Variants in WARS2 observed in about 807,000 individuals in gnomAD.
WARS2 encodes the protein tryptophan--tRNA ligase, mitochondrial.
In WARS2, 28 loss-of-function variants were observed where a neutral mutation model predicts 36.5. The observed-to-expected ratio is 0.77, with a 90% CI of 0.57 to 1.05. The LOEUF is 1.05. Among genes scored for constraint, WARS2 ranks in the 50% least tolerant of loss-of-function variants. The pLI is 0.00. For synonymous variants in WARS2, 174 were observed against 178.4 expected (o/e 0.98, Z 0.20); for missense variants, 435 against 456.8 (o/e 0.95, Z 0.44).
At chr1:119,107,605 TC>T (rs1266715146) in intron 1 of WARS2, among the ~76,000 whole-genome samples, 4 of 152,156 alleles carry the variant, frequency 2.6e-5, no homozygotes, top group African/African-American at 9.6e-5. Context: ...TCTACCTGTT[TC>T]CTATATAATG....
At chr1:119,058,288 A>G (rs1411336347) in intron 2 of WARS2, among the ~76,000 whole-genome samples, 1 of 144,844 alleles carries the variant, frequency 6.9e-6, no homozygotes, top group Admixed American at 7.1e-5. Flanking sequence ...ATGTGGGTCT[A>G]CTTCTTGATT....
rs587620600 is a variant in WARS2, at chr1:119,104,162, T to A, written c.91-27555A>T. ...ATTTCCATATATTTCCATATATTAC[T>A]CTGCTTTTATTTCCATCTTACAATA... On this transcript the variant is annotated intron_variant, in intron 1 of 5. Transcript: ENST00000235521. Among the ~76,000 whole-genome samples the A allele has an allele frequency of 1.8e-4, 28 of 151,356 alleles. 1 individual carries two copies. The highest frequency in any genetic ancestry group is 6.8e-4 in the African/African-American group (28 of 41,454).
intron 1 of WARS2, among the ~76,000 whole-genome samples, chr1:119,088,575 C>G (rs1652834353): frequency 6.6e-6 from 1 of 152,098 alleles, no homozygotes; most frequent in Admixed American, 6.6e-5. Context: ...GGCAGAGGCC[C>G]CTTTGGCTCC....
chr1:119,097,992 A>G (rs1018824570), intron 1 of WARS2, among the ~76,000 whole-genome samples: 2 of 152,034 alleles, frequency 1.3e-5, no homozygotes, highest in African/African-American at 4.8e-5. Context: ...CTATCAGAAC[A>G]GTAATCTCAG....
chr1:119,090,324 T>C (rs587698119), intron 1 of WARS2, among the ~76,000 whole-genome samples: 6 of 152,252 alleles, frequency 3.9e-5, no homozygotes, highest in African/African-American at 1.2e-4. Flanking sequence ...AGTGCCAGCC[T>C]TCTTGTGCAC....
chr1:119,097,697 G>C (rs918940114), intron 1 of WARS2, among the ~76,000 whole-genome samples: 1 of 152,028 alleles, frequency 6.6e-6, no homozygotes, highest in Non-Finnish European at 1.5e-5. Context: ...CACTACCCTC[G>C]CCAGCCAGTG....
At chr1:119,084,349 T>C (rs1408224808) in intron 1 of WARS2, among the ~76,000 whole-genome samples, 1 of 152,064 alleles carries the variant, frequency 6.6e-6, no homozygotes, top group African/African-American at 2.4e-5. Context: ...GTTTTGGAAA[T>C]AGACAGAGGC....
rs140967853 is a variant in WARS2, at chr1:119,135,420, A to C, written c.90+5135T>G. On this transcript the variant is annotated intron_variant, in intron 1 of 5. Coordinates refer to ENST00000235521, the MANE Select transcript of WARS2 (RefSeq NM_015836.4). Reference sequence around the variant, plus strand: ...TGTTTTATATAACAGGGATTCATGTAAGATTTCATTTGATAAAAGACTACT... The same window carrying C: ...TGTTTTATATAACAGGGATTCATGTCAGATTTCATTTGATAAAAGACTACT... 7.7e-3 allele frequency among the ~76,000 whole-genome samples: 1,172 copies of C among 152,296 alleles called. 13 individuals carry two copies. Among genetic ancestry groups the C allele is most frequent in the African/African-American group, 0.027 (1,113 of 41,566 alleles).
chr1:119,125,575 G>A (rs1571396031), intron 1 of WARS2, among the ~76,000 whole-genome samples: 1 of 152,120 alleles, frequency 6.6e-6, no homozygotes, highest in African/African-American at 2.4e-5. Context: ...TAGAGATGAG[G>A]ACAGAATTCA....
intron 2 of WARS2, among the ~76,000 whole-genome samples, chr1:119,057,410 C>T (rs1649916715): frequency 6.6e-6 from 1 of 151,624 alleles, no homozygotes; most frequent in African/African-American, 2.4e-5. Flanking sequence ...TTCCAAAGTG[C>T]TGGGATTACA....
chr1:119,048,068 C>A (rs1649008648), intron 2 of WARS2, among the ~76,000 whole-genome samples: 2 of 152,186 alleles, frequency 1.3e-5, no homozygotes, highest in African/African-American at 4.8e-5. Flanking sequence ...AGAATGGGAC[C>A]ATTAGGTTTG....
chr1:119,047,943 T>C (rs1228885127), intron 2 of WARS2, among the ~76,000 whole-genome samples: 2 of 152,228 alleles, frequency 1.3e-5, no homozygotes, highest in African/African-American at 4.8e-5. Flanking sequence ...GCAGCAGTTT[T>C]GCCTATCTTT....
chr1:119,066,293 ACG>A (rs1428212332), intron 2 of WARS2, among the ~76,000 whole-genome samples: 4 of 152,026 alleles, frequency 2.6e-5, no homozygotes, highest in African/African-American at 9.7e-5. Flanking sequence ...CCTGGCTAAT[ACG>A]GTGAAACCCC....
At chr1:119,108,744 A>G (rs1226853182) in intron 1 of WARS2, among the ~76,000 whole-genome samples, 1 of 151,534 alleles carries the variant, frequency 6.6e-6, no homozygotes, top group East Asian at 1.9e-4. Flanking sequence ...ATTTATTTTC[A>G]CTTGCTTATT....
chr1:119,137,658 C>T (rs938797031), intron 1 of WARS2, among the ~76,000 whole-genome samples: 14 of 152,156 alleles, frequency 9.2e-5, no homozygotes, highest in African/African-American at 3.4e-4. Flanking sequence ...TTAAACAGAA[C>T]ATGTCAGATC....
At chr1:119,111,445 C>T (rs912791296) in intron 1 of WARS2, among the ~76,000 whole-genome samples, 1 of 152,170 alleles carries the variant, frequency 6.6e-6, no homozygotes, top group Non-Finnish European at 1.5e-5. Flanking sequence ...GGGAATCTGC[C>T]TTCCTCCAGG....
Position 119,033,109 on chromosome 1 carries a change from C to T in WARS2, c.885G>A (p.Ala295=), listed in dbSNP as rs946355135. The T allele has an allele frequency of 4.3e-6, 7 of 1,614,194 alleles. No individual in the cohort carries two copies. Among genetic ancestry groups the T allele is most frequent in the Non-Finnish European group, 5.9e-6 (7 of 1,180,046 alleles). The change falls in exon 6 of 6, where the codon GCG becomes GCA. Residue 295 remains alanine, a synonymous_variant. Coordinates refer to ENST00000235521, the MANE Select transcript of WARS2 (RefSeq NM_015836.4). ...GCTTGTAGCGAGCAGTGTTCATGCC[C>T]GCGCTGCGGCGCACCACTTCCTCCA... The part of the protein sequence containing the change: ...LSVEEVVRRS[A]GMNTARYKLA...
chr1:119,038,681 T>G (rs1175790938), intron 4 of WARS2, among the ~76,000 whole-genome samples: 1 of 152,136 alleles, frequency 6.6e-6, no homozygotes, highest in Non-Finnish European at 1.5e-5. Context: ...TTCAGTCTTC[T>G]TTTTGTTTTT....
chr1:119,083,468 T>G (rs983369054), intron 1 of WARS2, among the ~76,000 whole-genome samples: 1 of 152,200 alleles, frequency 6.6e-6, no homozygotes, highest in South Asian at 2.1e-4. Flanking sequence ...TTACCCAGTC[T>G]GTAGTATTTT....
Sources: allele counts gnomAD v4.1 joint callset (sites outside exome capture counted in the v4.1 genomes callset), GRCh38; gene constraint gnomAD v4.1.1; transcripts MANE v1.5; gene names NCBI Gene and HGNC (gene_info 2026-07-23, HGNC 2026-07-21).